The following PHF3 variants were observed in gnomAD, a reference collection of about 807,000 sequenced individuals.
The protein encoded by PHF3 is PHD finger protein 3.
PHF3 carries 41 observed loss-of-function variants against 178.4 expected under a neutral mutation model. The observed-to-expected ratio is 0.23, with a 90% CI of 0.18 to 0.30. The LOEUF (loss-of-function observed/expected upper bound fraction) is 0.30. Among genes scored for constraint, PHF3 ranks in the 10% least tolerant of loss-of-function variants. The probability of loss-of-function intolerance (pLI) is 1.00; values close to 1 mark genes in which losing one functional copy is unlikely to be tolerated. For synonymous variants in PHF3, 842 were observed against 800.5 expected (o/e 1.05, Z -0.88); for missense variants, 2,346 against 2,398.1 (o/e 0.98, Z 0.45).
intron 11 of PHF3, among the ~76,000 whole-genome samples, chr6:63,704,610 C>A (rs1208118291): frequency 6.6e-6 from 1 of 151,782 alleles, no homozygotes; most frequent in Admixed American, 6.6e-5. Context: ...GAATAATATT[C>A]CATTGTCTGG....
At chr6:63,711,020 CTCT>C in intron 14 of PHF3, 144 bp from the exon 15 acceptor site, 1 of 509,724 alleles carries the variant, frequency 2.0e-6, no homozygotes, top group Non-Finnish European at 3.4e-6. Context: ...TTTTAATATT[CTCT>C]TCTGTATTTA....
intron 2 of PHF3, among the ~76,000 whole-genome samples, chr6:63,648,805 A>G (rs1477889670): frequency 6.6e-6 from 1 of 152,116 alleles, no homozygotes; most frequent in Non-Finnish European, 1.5e-5. Context: ...TCTGTAGCAG[A>G]ATGTTTGTAT....
At position 63,646,695 on chromosome 6, in the gene PHF3, G is replaced by A; in HGVS notation, c.144G>A (p.Met48Ile). 1 of 1,613,168 alleles carries A rather than the reference G, an allele frequency of 6.2e-7. No individual in the cohort carries two copies. The highest frequency in any genetic ancestry group is 8.5e-7 in the Non-Finnish European group (1 of 1,179,514). The change falls in exon 2 of 16, where the codon ATG becomes ATA. Residue 48 changes from methionine to isoleucine, a missense_variant. By Grantham distance (10) the Met-to-Ile change is conservative (BLOSUM62 1). This residue lies in a region of PHF3 where 843 missense variants were observed against 795.2 expected (regional missense o/e 1.06). Transcript: ENST00000262043. ...QNVLEDSLKN[M>I]LSDKDPMLGS... is the part of the protein sequence containing the mutation. ...TCTTAGAGGACTCGCTGAAGAACAT[G>A]CTCAGCGATAAGGATCCTATGCTAG...
chr6:63,649,465 T>G (rs188832616), intron 2 of PHF3, among the ~76,000 whole-genome samples: 70 of 152,328 alleles, frequency 4.6e-4, no homozygotes, highest in African/African-American at 1.5e-3. Flanking sequence ...ACTGTGGCTA[T>G]TTTGTAACCT....
intron 1 of PHF3, among the ~76,000 whole-genome samples, chr6:63,638,493 G>GT (rs1304427376): frequency 6.6e-6 from 1 of 151,980 alleles, no homozygotes; most frequent in South Asian, 2.1e-4. Flanking sequence ...TTTTACATAT[G>GT]TTTTTTCTGG....
chr6:63,641,083 C>T (rs1220218522), intron 1 of PHF3, among the ~76,000 whole-genome samples: 2 of 152,218 alleles, frequency 1.3e-5, no homozygotes, highest in East Asian at 3.8e-4. Flanking sequence ...GTAGTTTGTT[C>T]TTCTACTGCT....
At chr6:63,687,678 AT>A (rs1269745520) in intron 4 of PHF3, among the ~76,000 whole-genome samples, 3 of 152,204 alleles carry the variant, frequency 2.0e-5, no homozygotes, top group Admixed American at 6.5e-5. Context: ...AACCTTGTAG[AT>A]AAAGTTCCAG....
chr6:63,647,948 C>T (rs1764859731), intron 2 of PHF3, among the ~76,000 whole-genome samples: 1 of 152,186 alleles, frequency 6.6e-6, no homozygotes, highest in East Asian at 1.9e-4. Flanking sequence ...GTTTGTTCAG[C>T]ATATTTTTCA....
chr6:63,706,515 A>G (rs903582159), intron 12 of PHF3, among the ~76,000 whole-genome samples: 3 of 152,200 alleles, frequency 2.0e-5, no homozygotes, highest in Non-Finnish European at 4.4e-5. Context: ...ACTTTTCTCA[A>G]TCTTAGTTCT....
intron 2 of PHF3, among the ~76,000 whole-genome samples, chr6:63,652,787 T>C (rs571222221): frequency 6.6e-6 from 1 of 152,222 alleles, no homozygotes; most frequent in South Asian, 2.1e-4. Context: ...GTTGAAGAGA[T>C]TATTCCTTCC....
intron 8 of PHF3, among the ~76,000 whole-genome samples, chr6:63,700,049 T>G (rs1767406552): frequency 6.6e-6 from 1 of 152,206 alleles, no homozygotes; most frequent in South Asian, 2.1e-4. Flanking sequence ...TATAGATTGC[T>G]TATTGTTATG....
intron 1 of PHF3, among the ~76,000 whole-genome samples, chr6:63,640,591 A>C (rs565549257): frequency 6.6e-6 from 1 of 152,316 alleles, no homozygotes; most frequent in Non-Finnish European, 1.5e-5. Context: ...TTGACTCTTA[A>C]ATGAAATTTT....
rs972517501 is a variant in PHF3 at position 63,721,735 on chromosome 6, T to C, written c.*8027T>C. Reference sequence around the variant, plus strand: ...TGGAGAGTTTCTAGAATGATAGTTCTGTCGCCAAGGTTGTAGCGAAGTTGA... The same window carrying C: ...TGGAGAGTTTCTAGAATGATAGTTCCGTCGCCAAGGTTGTAGCGAAGTTGA... On this transcript the variant is annotated 3_prime_UTR_variant, in exon 16 of 16. Transcript: ENST00000262043. The C allele has an allele frequency of 6.4e-7, 1 of 1,550,834 alleles. No individual in the cohort carries two copies. Among genetic ancestry groups the C allele is most frequent in the African/African-American group, 1.4e-5 (1 of 73,152 alleles).
At chr6:63,709,026 C>G (rs1227021041) in intron 13 of PHF3, 125 bp from the exon 14 acceptor site, 1 of 522,970 alleles carries the variant, frequency 1.9e-6, no homozygotes, top group Non-Finnish European at 3.2e-6. Context: ...TTTTCATAAT[C>G]TCTTTATTTA....
chr6:63,643,662 C>T (rs1207735832), intron 1 of PHF3, among the ~76,000 whole-genome samples: 2 of 152,162 alleles, frequency 1.3e-5, no homozygotes, highest in Admixed American at 1.3e-4. Context: ...AGAAACATAA[C>T]TTCAGTCTAT....
Position 63,726,001 on chromosome 6 carries a change from TA to T in PHF3, c.*12297del, listed in dbSNP as rs1041286582. 2.6e-5 allele frequency among the ~76,000 whole-genome samples: 4 copies of T among 152,294 alleles called. No individual in the cohort carries two copies. The highest frequency in any genetic ancestry group is 9.6e-5 in the African/African-American group (4 of 41,594). On this transcript the variant is annotated 3_prime_UTR_variant, in exon 16 of 16. Coordinates refer to ENST00000262043, the MANE Select transcript of PHF3 (RefSeq NM_001370348.2). ...AAGTAAAACCTAAAAAATTAAATTT[TA>T]AAACACTAATTGGATACTTTATTTC... is the stretch of plus-strand genomic sequence containing the variant.
chr6:63,712,948 C>A lies in PHF3; in HGVS notation c.5360C>A (p.Thr1787Asn). ...SKSITFTSRS[T>N]SPRTSTNFSP... ...AGCATCACCTTTACTTCCAGAAGCACCAGCCCCAGAACAAGTACAAACTTT... is the reference window on the plus strand; with the variant it reads ...AGCATCACCTTTACTTCCAGAAGCAACAGCCCCAGAACAAGTACAAACTTT... The change falls in exon 16 of 16, where the codon ACC (threonine) becomes AAC (asparagine). Residue 1787 changes from threonine (T) to asparagine (N), a missense_variant. Thr to Asn is a moderately conservative substitution (Grantham distance 65, BLOSUM62 0). Around this residue, in one of 8 missense-constraint regions of PHF3, gnomAD observed 839 missense variants for 806.9 expected, o/e 1.04. Coordinates refer to ENST00000262043, the MANE Select transcript of PHF3 (RefSeq NM_001370348.2). 6.2e-7 allele frequency: 1 copy of A among 1,614,046 alleles called. No individual in the cohort carries two copies. The highest frequency in any genetic ancestry group is 8.5e-7 in the Non-Finnish European group (1 of 1,179,978).
At position 63,646,535 on chromosome 6, in the gene PHF3, GAC is replaced by G; in HGVS notation, c.-11_-10del. 5.6e-6 allele frequency: 9 copies of G among 1,597,804 alleles called. No homozygotes were observed. Among genetic ancestry groups the G allele is most frequent in the Non-Finnish European group, 7.7e-6 (9 of 1,170,352 alleles). On this transcript the variant is annotated 5_prime_UTR_variant, in exon 2 of 16. Coordinates refer to ENST00000262043, the MANE Select transcript of PHF3 (RefSeq NM_001370348.2). ...TTTTTGTCTTTCTATAGGGCTGAAA[GAC>G]ACACAGAAGTCTTCATGGATATAGT...
chr6:63,645,346 A>C (rs1347356066), intron 1 of PHF3, among the ~76,000 whole-genome samples: 2 of 152,108 alleles, frequency 1.3e-5, no homozygotes, highest in Non-Finnish European at 2.9e-5. Flanking sequence ...ATTCAAGTGC[A>C]TTTTTTTAAA....
Sources: allele counts gnomAD v4.1 joint callset (sites outside exome capture counted in the v4.1 genomes callset), GRCh38; gene constraint gnomAD v4.1.1; regional missense constraint gnomAD v4.1.1; transcripts MANE v1.5; gene names NCBI Gene and HGNC (gene_info 2026-07-23, HGNC 2026-07-21).